The following GRIK4 variants were observed in gnomAD, a reference collection of about 807,000 sequenced individuals.
GRIK4 encodes the protein glutamate ionotropic receptor kainate type subunit 4.
GRIK4 carries 40 observed loss-of-function variants against 104.9 expected under a neutral mutation model. The ratio of observed to expected loss-of-function variants is 0.38; its 90% CI spans 0.30 to 0.50. GRIK4 has a LOEUF of 0.50. Among genes scored for constraint, GRIK4 ranks in the 20% least tolerant of loss-of-function variants. GRIK4 has a pLI of 0.93. For missense variants in GRIK4, 1,047 were observed against 1,308.1 expected (o/e 0.80, Z 3.08); for synonymous variants, 485 against 524.9 (o/e 0.92, Z 1.04).
rs538776825 is a variant in GRIK4 at position 120,529,602 on chromosome 11, G to C, written c.-159+17715G>C. ...GTAAGTTCCCTGTCGGGAGTGGTGG[G>C]GGAAGTGGGAAAAGTGCTGTCTGTC... On this transcript the variant is annotated intron_variant, in intron 1 of 20. Coordinates refer to ENST00000527524, the MANE Select transcript of GRIK4 (RefSeq NM_014619.5). Among the ~76,000 whole-genome samples the C allele has an allele frequency of 4.6e-5, 7 of 152,364 alleles. No homozygotes were observed. In the East Asian group the frequency reaches 1.4e-3, roughly 29 times the overall value.
chr11:120,836,383 A>G (rs1015755828), intron 7 of GRIK4, among the ~76,000 whole-genome samples: 1 of 152,226 alleles, frequency 6.6e-6, no homozygotes, highest in African/African-American at 2.4e-5. Flanking sequence ...CCTGACACAT[A>G]CTAAACAGTG....
intron 3 of GRIK4, among the ~76,000 whole-genome samples, chr11:120,752,993 T>C (rs1013451277): frequency 2.2e-4 from 33 of 152,188 alleles, no homozygotes; most frequent in Admixed American, 3.3e-4. Context: ...TCCCACCCTC[T>C]CCCTTGTGGC....
chr11:120,827,858 G>A (rs1247244602), intron 6 of GRIK4, among the ~76,000 whole-genome samples: 4 of 152,126 alleles, frequency 2.6e-5, no homozygotes, highest in Admixed American at 6.5e-5. Flanking sequence ...CCAGTGATGG[G>A]GAACTCACTA....
At chr11:120,739,649 T>A (rs182020622) in intron 3 of GRIK4, among the ~76,000 whole-genome samples, 10 of 152,348 alleles carry the variant, frequency 6.6e-5, no homozygotes, top group African/African-American at 2.4e-4. Context: ...AGACATCTCT[T>A]ATTTCAACAT....
chr11:120,986,314 G>A lies in GRIK4; in HGVS notation c.*54G>A, dbSNP rs1054439881. The A allele has an allele frequency of 2.6e-5, 37 of 1,425,790 alleles. No homozygotes were observed. The South Asian group carries it at 4.7e-4, about 18-fold the overall frequency. 88.3% of individuals were successfully genotyped at this position (1,425,790 alleles called of 1,614,324 possible). A position where few individuals can be genotyped will look rare whatever the true frequency, so the allele number is the denominator to read the frequency against. On this transcript the variant is annotated 3_prime_UTR_variant, in exon 21 of 21. Transcript: ENST00000527524. Reference sequence around the variant, plus strand: ...CGGGCGGGGCGGGAGGGGAGGGGCGGGGCGGGCGCTGCTGTCAGCCGCCAG... The same window carrying A: ...CGGGCGGGGCGGGAGGGGAGGGGCGAGGCGGGCGCTGCTGTCAGCCGCCAG...
At chr11:120,815,519 T>C in intron 5 of GRIK4, 44 bp downstream of exon 5, 2 of 1,190,260 alleles carry the variant, frequency 1.7e-6, no homozygotes, top group Non-Finnish European at 2.4e-6. Flanking sequence ...TGCTGGAGCC[T>C]GTGCCCAGGG....
At chr11:120,917,684 A>G (rs965557934) in intron 13 of GRIK4, among the ~76,000 whole-genome samples, 10 of 152,112 alleles carry the variant, frequency 6.6e-5, no homozygotes, top group African/African-American at 2.4e-4. Flanking sequence ...TGTGCTGGTT[A>G]TTTTCCATGG....
intron 1 of GRIK4, among the ~76,000 whole-genome samples, chr11:120,613,304 GC>G (rs1195551066): frequency 6.6e-6 from 1 of 152,184 alleles, no homozygotes; most frequent in Non-Finnish European, 1.5e-5. Context: ...AAGAAGACAT[GC>G]CCCCACAGTG....
chr11:120,883,494 T>C (rs1204050403), intron 11 of GRIK4, among the ~76,000 whole-genome samples: 1 of 152,200 alleles, frequency 6.6e-6, no homozygotes, highest in Non-Finnish European at 1.5e-5. Context: ...TGTGAGTGAA[T>C]CAGGCTCTCC....
At chr11:120,628,466 A>C (rs183428542) in intron 1 of GRIK4, among the ~76,000 whole-genome samples, 174 of 152,148 alleles carry the variant, frequency 1.1e-3, no homozygotes, top group Non-Finnish European at 1.9e-3. Flanking sequence ...ACCACCAGAC[A>C]CCCATCTGGG....
intron 11 of GRIK4, among the ~76,000 whole-genome samples, chr11:120,897,601 CAAAAAAAA>C (rs56807699): frequency 0.035 from 462 of 13,058 alleles, 19 homozygotes; most frequent in Middle Eastern, 0.11. Context: ...GACTCCTTCT[CAAAAAAAA>C]AAAAAAAAAA....
At chr11:120,868,389 G>C (rs1954483949) in intron 9 of GRIK4, 1 of 152,076 alleles carries the variant, frequency 6.6e-6, no homozygotes, top group Admixed American at 6.6e-5. Flanking sequence ...AGCCATTTGG[G>C]GTATTTAATA....
chr11:120,913,591 T>A (rs1943044589), intron 13 of GRIK4, among the ~76,000 whole-genome samples: 1 of 151,836 alleles, frequency 6.6e-6, no homozygotes, highest in Admixed American at 6.6e-5. Flanking sequence ...CAACTCCATG[T>A]TGGCGGAATG....
chr11:120,569,706 C>G (rs1348431940), intron 1 of GRIK4, among the ~76,000 whole-genome samples: 1 of 152,158 alleles, frequency 6.6e-6, no homozygotes, highest in Non-Finnish European at 1.5e-5. Flanking sequence ...GCAAGAGGGA[C>G]TCCACAGTGG....
intron 3 of GRIK4, among the ~76,000 whole-genome samples, chr11:120,662,993 C>G (rs1427512691): frequency 6.6e-6 from 1 of 152,296 alleles, no homozygotes; most frequent in African/African-American, 2.4e-5. Flanking sequence ...GTGTTTACCC[C>G]TCGAATGAGG....
intron 20 of GRIK4, among the ~76,000 whole-genome samples, chr11:120,985,290 G>A (rs766228238): frequency 5.3e-5 from 8 of 152,114 alleles, no homozygotes; most frequent in African/African-American, 9.7e-5. Flanking sequence ...AAATATGAGC[G>A]GGTTTGAATT....
chr11:120,603,743 G>C (rs1024643371), intron 1 of GRIK4, among the ~76,000 whole-genome samples: 1 of 152,132 alleles, frequency 6.6e-6, no homozygotes, highest in Non-Finnish European at 1.5e-5. Context: ...TTTTCATTTG[G>C]GGGGAAGGTT....
At chr11:120,552,854 G>A (rs1267140085) in intron 1 of GRIK4, among the ~76,000 whole-genome samples, 1 of 152,150 alleles carries the variant, frequency 6.6e-6, no homozygotes, top group Admixed American at 6.5e-5. Flanking sequence ...ACAAAAGTTA[G>A]CTGGGCGTGG....
chr11:120,741,275 CTTTTT>C (rs762543001), intron 3 of GRIK4, among the ~76,000 whole-genome samples: 2 of 106,920 alleles, frequency 1.9e-5, no homozygotes, highest in African/African-American at 6.8e-5. Context: ...CGTGTGCTTT[CTTTTT>C]TTTTTTTTTT....
Sources: gnomAD v4.1 joint callset for allele counts (sites outside exome capture counted in the v4.1 genomes callset) on GRCh38, gnomAD v4.1.1 for gene constraint, MANE v1.5 for transcripts, NCBI Gene and HGNC (gene_info 2026-07-23, HGNC 2026-07-21) for gene names.